Variants in SYTL3 observed in about 807,000 individuals in gnomAD.
SYTL3 encodes synaptotagmin-like protein 3.
In SYTL3, 88 loss-of-function variants were observed where a neutral mutation model predicts 82.1. The observed-to-expected ratio is 1.07, with a 90% CI of 0.90 to 1.28. SYTL3 has a LOEUF of 1.28. Ranked by LOEUF, SYTL3 falls within the 50% of genes most tolerant of loss-of-function variation. The probability of loss-of-function intolerance (pLI) is 0.00; values close to 1 mark genes in which losing one functional copy is unlikely to be tolerated. For missense variants in SYTL3, 831 were observed against 757.6 expected (o/e 1.10, Z -1.14); for synonymous variants, 311 against 289.4 (o/e 1.07, Z -0.76).
chr6:158,648,003 T>C (rs1402280309), upstream of SYTL3, among the ~76,000 whole-genome samples: 1 of 152,142 alleles, frequency 6.6e-6, no homozygotes, highest in Non-Finnish European at 1.5e-5. Context: ...ATCAATAATA[T>C]CCAGCAGTGG....
chr6:158,654,804 G>A (rs1230184646), intron 2 of SYTL3, among the ~76,000 whole-genome samples: 7 of 152,196 alleles, frequency 4.6e-5, no homozygotes, highest in African/African-American at 1.7e-4. Context: ...CACAGAGACA[G>A]GATGGCTGAG....
chr6:158,764,819 CTCTT>C lies in SYTL3; in HGVS notation c.*217_*220del, dbSNP rs1161914524. On this transcript the variant is annotated 3_prime_UTR_variant, in exon 18 of 18. Transcript: ENST00000611299. ...ACCTAAGCCTCTGGTGGGTTATCTC[CTCTT>C]TGAGATGTAGAAAATGGCCAGATTT... is the stretch of plus-strand genomic sequence containing the variant. 9.2e-6 allele frequency: 4 copies of C among 435,542 alleles called. No homozygotes were observed. Among genetic ancestry groups the C allele is most frequent in the African/African-American group, 2.0e-5 (1 of 49,816 alleles). 27.0% of individuals were successfully genotyped at this position (435,542 alleles called of 1,614,324 possible).
intron 14 of SYTL3, 127 bp downstream of exon 14, chr6:158,757,508 C>G (rs1789290211): frequency 9.6e-7 from 1 of 1,044,914 alleles, no homozygotes; most frequent in Non-Finnish European, 1.4e-6. Context: ...GTTCGCCGGC[C>G]TGGCGCTGTG....
intron 11 of SYTL3, among the ~76,000 whole-genome samples, chr6:158,734,201 T>C (rs1320140501): frequency 6.6e-6 from 1 of 152,042 alleles, no homozygotes; most frequent in Non-Finnish European, 1.5e-5. Context: ...AAACAAGCAT[T>C]CTGTTTCTAA....
intron 17 of SYTL3, 63 bp from the exon 18 acceptor site, chr6:158,764,432 G>T: frequency 8.1e-7 from 1 of 1,236,546 alleles, no homozygotes; most frequent in African/African-American, 1.5e-5. Flanking sequence ...ATTTTTAAAG[G>T]GATGAGAGGG....
chr6:158,747,529 T>C (rs1787831360), intron 12 of SYTL3, among the ~76,000 whole-genome samples: 1 of 151,910 alleles, frequency 6.6e-6, no homozygotes, highest in African/African-American at 2.4e-5. Flanking sequence ...AATGGCACGA[T>C]CACAGTTCAC....
At chr6:158,759,748 G>A (rs1178928665) in intron 14 of SYTL3, among the ~76,000 whole-genome samples, 1 of 152,086 alleles carries the variant, frequency 6.6e-6, no homozygotes, top group Non-Finnish European at 1.5e-5. Flanking sequence ...TGGCCAGGCT[G>A]GTCTCGAACT....
chr6:158,662,937 G>C lies in SYTL3; in HGVS notation c.-332G>C. On this transcript the variant is annotated 5_prime_UTR_variant, in exon 4 of 18. Coordinates refer to ENST00000611299, the MANE Select transcript of SYTL3 (RefSeq NM_001242394.2). ...TGTGGATAATTTATAACAATCTCTG[G>C]TGAAACCTCAGAAAAGAGATATGCT... 5.2e-6 allele frequency: 1 copy of C among 190,622 alleles called. No homozygotes were observed. Among genetic ancestry groups the C allele is most frequent in the Non-Finnish European group, 1.1e-5 (1 of 93,402 alleles). The allele number at this position is 190,622 out of a possible 1,614,324, so 11.8% of individuals were successfully genotyped here. A position where few individuals can be genotyped will look rare whatever the true frequency, so the allele number is the denominator to read the frequency against.
At chr6:158,676,471 A>G (rs1159199748) in intron 5 of SYTL3, among the ~76,000 whole-genome samples, 1 of 151,906 alleles carries the variant, frequency 6.6e-6, no homozygotes, top group Non-Finnish European at 1.5e-5. Flanking sequence ...AACCTAGGCA[A>G]TACCATTCAG....
chr6:158,715,144 C>T (rs1047729343), intron 9 of SYTL3, among the ~76,000 whole-genome samples: 1 of 152,098 alleles, frequency 6.6e-6, no homozygotes, highest in Non-Finnish European at 1.5e-5. Context: ...TGCTATTTTC[C>T]CACCCACCCC....
intron 13 of SYTL3, among the ~76,000 whole-genome samples, chr6:158,754,037 A>G (rs1384222579): frequency 6.6e-6 from 1 of 152,198 alleles, no homozygotes; most frequent in Non-Finnish European, 1.5e-5. Context: ...AGAAGCCAGT[A>G]TTTCCAATCA....
At chr6:158,679,794 G>A (rs937320958) in intron 5 of SYTL3, among the ~76,000 whole-genome samples, 8 of 152,142 alleles carry the variant, frequency 5.3e-5, no homozygotes, top group Admixed American at 1.3e-4. Flanking sequence ...TCAATGATTT[G>A]CAATGTTCAT....
chr6:158,710,771 C>CT (rs3062743), intron 8 of SYTL3, among the ~76,000 whole-genome samples: 26,904 of 141,278 alleles, frequency 0.19, 2,815 homozygotes, highest in South Asian at 0.37. Context: ...GTGGTCTAAG[C>CT]TTTTTTTTTT....
At chr6:158,756,175 AG>A (rs35395223) in intron 13 of SYTL3, among the ~76,000 whole-genome samples, 1 of 152,204 alleles carries the variant, frequency 6.6e-6, no homozygotes, top group Non-Finnish European at 1.5e-5. Context: ...GGTGCCACTG[AG>A]GGGCCTTCGG....
chr6:158,715,627 A>ACACAC, intron 9 of SYTL3, among the ~76,000 whole-genome samples: 9 of 122,530 alleles, frequency 7.3e-5, no homozygotes, highest in Non-Finnish European at 1.1e-4. Context: ...GCACGCACCC[A>ACACAC]GCACCCCCCA....
chr6:158,720,985 C>A (rs968624765), intron 10 of SYTL3, among the ~76,000 whole-genome samples: 17 of 152,192 alleles, frequency 1.1e-4, no homozygotes, highest in South Asian at 6.2e-4. Flanking sequence ...TCCCCTGCTG[C>A]ATGTGCACAT....
At chr6:158,685,360 C>T (rs1779184558) in intron 6 of SYTL3, among the ~76,000 whole-genome samples, 1 of 151,844 alleles carries the variant, frequency 6.6e-6, no homozygotes, top group African/African-American at 2.4e-5. Flanking sequence ...ATTACAGGCA[C>T]ACGCCCCATG....
At chr6:158,709,774 A>G (rs1398075464) in intron 8 of SYTL3, among the ~76,000 whole-genome samples, 4 of 152,228 alleles carry the variant, frequency 2.6e-5, no homozygotes, top group Non-Finnish European at 4.4e-5. Context: ...AAATCTAAAA[A>G]TGATTTTGAA....
chr6:158,684,045 A>AG (rs1305861849), intron 6 of SYTL3, among the ~76,000 whole-genome samples: 1 of 152,186 alleles, frequency 6.6e-6, no homozygotes, highest in African/African-American at 2.4e-5. Flanking sequence ...GTGAATCAGG[A>AG]GAGGGGCGAT....
Sources: gnomAD v4.1 joint callset for allele counts (sites outside exome capture counted in the v4.1 genomes callset) on GRCh38, gnomAD v4.1.1 for gene constraint, MANE v1.5 for transcripts, NCBI Gene and HGNC (gene_info 2026-07-23, HGNC 2026-07-21) for gene names.